Variants in IL1RAPL1 observed in about 807,000 individuals in gnomAD.
IL1RAPL1 encodes interleukin 1 receptor accessory protein like 1.
In IL1RAPL1, 3 loss-of-function variants were observed where a neutral mutation model predicts 48.4. That is an observed-to-expected ratio of 0.06 (90% CI 0.03 to 0.16). The LOEUF is 0.16. Ranked by LOEUF, IL1RAPL1 falls within the 10% of genes least tolerant of loss-of-function variation. IL1RAPL1 has a pLI of 1.00. For synonymous variants in IL1RAPL1, 185 were observed against 187.7 expected (o/e 0.99, Z 0.12); for missense variants, 349 against 530.6 (o/e 0.66, Z 3.36).
intron 2 of IL1RAPL1, among the ~76,000 whole-genome samples, chrX:29,223,635 C>T (rs1179301083): frequency 9.2e-6 from 1 of 108,212 alleles, no homozygotes; most frequent in Non-Finnish European, 1.9e-5. Context: ...ACTTCCGCCT[C>T]CCCGGTTCAA....
At chrX:29,841,310 A>G (rs1355127889) in intron 6 of IL1RAPL1, among the ~76,000 whole-genome samples, 1 of 112,334 alleles carries the variant, frequency 8.9e-6, no homozygotes, top group Non-Finnish European at 1.9e-5. Context: ...AAGTAAATTC[A>G]AAATTTAAAT....
intron 2 of IL1RAPL1, among the ~76,000 whole-genome samples, chrX:28,828,148 CAAG>C (rs1238902087): frequency 1.8e-5 from 2 of 111,287 alleles, no homozygotes; most frequent in African/African-American, 3.3e-5. Flanking sequence ...TGAGTTCAGA[CAAG>C]AAGAACATCA....
At chrX:28,888,080 A>G (rs1259183111) in intron 2 of IL1RAPL1, among the ~76,000 whole-genome samples, 4 of 110,715 alleles carry the variant, frequency 3.6e-5, no homozygotes, top group African/African-American at 9.8e-5. Context: ...TAGAGGTAAT[A>G]TATTAGGTAG....
intron 6 of IL1RAPL1, among the ~76,000 whole-genome samples, chrX:29,906,470 TA>T (rs1932626340): frequency 5.1e-4 from 1 of 1,963 alleles, no homozygotes; most frequent in African/African-American, 2.9e-3. Context: ...AATATATATA[TA>T]TATATATATA....
intron 2 of IL1RAPL1, among the ~76,000 whole-genome samples, chrX:28,795,822 G>A (rs1936604855): frequency 9.0e-6 from 1 of 110,934 alleles, no homozygotes; most frequent in Non-Finnish European, 1.9e-5. Flanking sequence ...GAGGAATAGA[G>A]GGAAGCAGTA....
chrX:29,537,764 A>C (rs1416310339), intron 5 of IL1RAPL1, among the ~76,000 whole-genome samples: 2 of 111,686 alleles, frequency 1.8e-5, no homozygotes, highest in African/African-American at 6.5e-5. Context: ...TATAATAAAA[A>C]TGGGAACATG....
chrX:28,719,782 A>G (rs962453380), intron 1 of IL1RAPL1, among the ~76,000 whole-genome samples: 1 of 111,117 alleles, frequency 9.0e-6, no homozygotes, highest in African/African-American at 3.3e-5. Context: ...TGTTGCTGCC[A>G]AGTGGAGCAG....
At chrX:29,860,218 C>T (rs183200137) in intron 6 of IL1RAPL1, among the ~76,000 whole-genome samples, 175 of 111,595 alleles carry the variant, frequency 1.6e-3, no homozygotes, top group African/African-American at 5.3e-3. Context: ...ATACAAGGAA[C>T]AATGCATTGT....
At chrX:29,769,388 T>G (rs1482915542) in intron 6 of IL1RAPL1, among the ~76,000 whole-genome samples, 1 of 102,644 alleles carries the variant, frequency 9.7e-6, no homozygotes, top group African/African-American at 3.6e-5. Context: ...TACCTACAAG[T>G]GGAATTGATG....
chrX:29,203,574 T>C lies in IL1RAPL1; in HGVS notation c.83-79364T>C, dbSNP rs1485389740. Among the ~76,000 whole-genome samples, 4 of 108,223 alleles carry C rather than the reference T, an allele frequency of 3.7e-5. No homozygotes were observed. The South Asian group carries it at 1.6e-3, about 44-fold the overall frequency. 94.0% of individuals were successfully genotyped at this position (108,223 alleles called of 115,157 possible). ...CGTCTCTACTAAAAATACAAATTAG[T>C]TGGGCGTAGTGGCGCATGCCTGTAA... On this transcript the variant is annotated intron_variant, in intron 2 of 10. Transcript: ENST00000378993.
At chrX:29,757,576 A>AT (rs1928650462) in intron 6 of IL1RAPL1, among the ~76,000 whole-genome samples, 1 of 112,431 alleles carries the variant, frequency 8.9e-6, no homozygotes, top group African/African-American at 3.2e-5. Flanking sequence ...ATGTGACTCA[A>AT]GTGATATGTG....
chrX:29,827,934 G>T (rs1930777585), intron 6 of IL1RAPL1, among the ~76,000 whole-genome samples: 1 of 112,213 alleles, frequency 8.9e-6, no homozygotes. Context: ...CTCTTCTGTG[G>T]CCTTCTATTA....
At chrX:29,590,383 C>G (rs139192177) in intron 5 of IL1RAPL1, among the ~76,000 whole-genome samples, 27 of 111,784 alleles carry the variant, frequency 2.4e-4, no homozygotes, top group African/African-American at 7.5e-4. Context: ...AAATTAGACA[C>G]TTTAGAAATG....
At chrX:29,209,511 G>A (rs1293636753) in intron 2 of IL1RAPL1, among the ~76,000 whole-genome samples, 2 of 111,862 alleles carry the variant, frequency 1.8e-5, no homozygotes, top group South Asian at 3.7e-4. Flanking sequence ...TGGGAATAGC[G>A]AATTCCAAGC....
At chrX:28,737,046 CCTTTT>C (rs146038961) in intron 1 of IL1RAPL1, among the ~76,000 whole-genome samples, 6,048 of 94,266 alleles carry the variant, frequency 0.064, 388 homozygotes, top group East Asian at 0.25. Flanking sequence ...CTGAATATTT[CCTTTT>C]CTTTTCTTTT....
chrX:29,404,175 A>G (rs904713485), intron 5 of IL1RAPL1, among the ~76,000 whole-genome samples: 7 of 112,193 alleles, frequency 6.2e-5, no homozygotes, highest in African/African-American at 2.3e-4. Context: ...GTAACAGAAT[A>G]GTTTCACTGC....
intron 2 of IL1RAPL1, among the ~76,000 whole-genome samples, chrX:29,212,476 T>G (rs183472362): frequency 2.7e-5 from 3 of 110,912 alleles, no homozygotes; most frequent in Non-Finnish European, 5.7e-5. Context: ...GCCCAGCTAA[T>G]TTTTGTATTT....
intron 1 of IL1RAPL1, among the ~76,000 whole-genome samples, chrX:28,712,823 A>AT (rs1296494885): frequency 3.6e-5 from 4 of 110,426 alleles, no homozygotes; most frequent in East Asian, 2.9e-4. Flanking sequence ...GTTTGAGGCT[A>AT]TTTTTTTTAA....
chrX:28,813,605 A>G (rs1217612876), intron 2 of IL1RAPL1, among the ~76,000 whole-genome samples: 1 of 111,006 alleles, frequency 9.0e-6, no homozygotes, highest in Non-Finnish European at 1.9e-5. Flanking sequence ...TGCCATTTTA[A>G]TCTACTCATT....
Sources: allele counts gnomAD v4.1 joint callset (sites outside exome capture counted in the v4.1 genomes callset), GRCh38; gene constraint gnomAD v4.1.1; transcripts MANE v1.5; gene names NCBI Gene and HGNC (gene_info 2026-07-23, HGNC 2026-07-21).